TAF3: variants seen among roughly 807,000 people sequenced by gnomAD.
TAF3 encodes TATA-box binding protein associated factor 3.
In TAF3, 7 loss-of-function variants were observed where a neutral mutation model predicts 80.6. That is an observed-to-expected ratio of 0.09 (90% CI 0.05 to 0.16). The LOEUF (loss-of-function observed/expected upper bound fraction) is 0.16, where lower values mean the gene tolerates loss of function less well. Among genes scored for constraint, TAF3 ranks in the 10% least tolerant of loss-of-function variants. The probability of loss-of-function intolerance (pLI) is 1.00; values close to 1 mark genes in which losing one functional copy is unlikely to be tolerated. For missense variants in TAF3, 921 were observed against 1,140.2 expected, an observed-to-expected ratio of 0.81 and a Z score of 2.77; for synonymous variants, 444 against 446.1, an observed-to-expected ratio of 1.00 and a Z score of 0.06.
At chr10:7,977,369 C>T in intron 4 of TAF3, 46 bp downstream of exon 4, 3 of 1,574,374 alleles carry the variant, frequency 1.9e-6, no homozygotes, top group South Asian at 1.1e-5. Context: ...TGAAATTTAA[C>T]CTTCTCTACT....
At chr10:7,999,036 T>C (rs1230771859) in intron 4 of TAF3, among the ~76,000 whole-genome samples, 2 of 152,012 alleles carry the variant, frequency 1.3e-5, no homozygotes, top group Non-Finnish European at 2.9e-5. Flanking sequence ...GCTGAGGAAG[T>C]GGAATCTGTG....
intron 2 of TAF3, among the ~76,000 whole-genome samples, chr10:7,920,562 G>A (rs11255443): frequency 0.052 from 7,966 of 152,008 alleles, 310 homozygotes; most frequent in Admixed American, 0.11. Context: ...TAATCTTCTG[G>A]TATCTATTCT....
At chr10:7,971,013 G>C (rs1207988659) in intron 3 of TAF3, among the ~76,000 whole-genome samples, 1 of 152,128 alleles carries the variant, frequency 6.6e-6, no homozygotes, top group African/African-American at 2.4e-5. Context: ...ATAACTGTAT[G>C]TTCCAAGAGA....
intron 6 of TAF3, among the ~76,000 whole-genome samples, chr10:8,014,314 G>A (rs754793049): frequency 2.0e-5 from 3 of 152,168 alleles, no homozygotes; most frequent in South Asian, 2.1e-4. Context: ...TCTTTAAAAT[G>A]TCAGATACAA....
chr10:7,831,232 T>A (rs926811646), intron 2 of TAF3, among the ~76,000 whole-genome samples: 1 of 152,216 alleles, frequency 6.6e-6, no homozygotes, highest in Non-Finnish European at 1.5e-5. Flanking sequence ...TATGGTATAT[T>A]CCCAGTTTTC....
intron 4 of TAF3, among the ~76,000 whole-genome samples, chr10:7,987,418 G>A (rs2131425870): frequency 6.6e-6 from 1 of 152,262 alleles, no homozygotes; most frequent in African/African-American, 2.4e-5. Context: ...ATGTCTGTAT[G>A]ACATGGTATT....
At chr10:7,988,601 A>AAAAAAAAAT (rs1831801872) in intron 4 of TAF3, among the ~76,000 whole-genome samples, 2 of 141,334 alleles carry the variant, frequency 1.4e-5, no homozygotes, top group Non-Finnish European at 1.5e-5. Context: ...AAAAAAAAAA[A>AAAAAAAAAT]GAAGCCAGAT....
chr10:7,914,104 A>C (rs1284652372), intron 2 of TAF3, among the ~76,000 whole-genome samples: 4 of 151,776 alleles, frequency 2.6e-5, no homozygotes, highest in Admixed American at 2.0e-4. Flanking sequence ...TTTTTTTTGC[A>C]ATTTTTTGAG....
chr10:8,010,214 A>G (rs1832041232), intron 5 of TAF3, among the ~76,000 whole-genome samples: 1 of 152,162 alleles, frequency 6.6e-6, no homozygotes, highest in Non-Finnish European at 1.5e-5. Context: ...GCCAAGATGC[A>G]TTTCTTCATT....
At chr10:7,864,090 T>C (rs1837185107) in intron 2 of TAF3, among the ~76,000 whole-genome samples, 1 of 152,128 alleles carries the variant, frequency 6.6e-6, no homozygotes, top group Non-Finnish European at 1.5e-5. Flanking sequence ...ACATTATTAT[T>C]ACCAGAGTCT....
At chr10:7,902,035 C>T (rs548084142) in intron 2 of TAF3, among the ~76,000 whole-genome samples, 136 of 152,188 alleles carry the variant, frequency 8.9e-4, no homozygotes, top group African/African-American at 3.0e-3. Flanking sequence ...ACACTAACTC[C>T]GCACCCCACG....
chr10:7,903,538 A>G lies in TAF3; in HGVS notation c.410-60382A>G, dbSNP rs1276556772. Reference sequence around the variant, plus strand: ...CTGTATTGTAAGCCTGTGATTTAATATGTTTTTATCTTAGGAAATAACTTC... The same window carrying G: ...CTGTATTGTAAGCCTGTGATTTAATGTGTTTTTATCTTAGGAAATAACTTC... On this transcript the variant is annotated intron_variant, in intron 2 of 6. Coordinates refer to ENST00000344293, the MANE Select transcript of TAF3 (RefSeq NM_031923.4). Among the ~76,000 whole-genome samples, 4 of 152,356 alleles carry G rather than the reference A, an allele frequency of 2.6e-5. No individual in the cohort carries two copies. In the South Asian group the frequency reaches 6.2e-4, roughly 24 times the overall value.
chr10:7,941,128 AGGTAAGG>A (rs1837972254), intron 2 of TAF3, among the ~76,000 whole-genome samples: 1 of 152,194 alleles, frequency 6.6e-6, no homozygotes, highest in Non-Finnish European at 1.5e-5. Context: ...ATGAAGCTGA[AGGTAAGG>A]CATGGGAATC....
intron 1 of TAF3, among the ~76,000 whole-genome samples, chr10:7,823,069 C>A (rs950993387): frequency 6.6e-6 from 1 of 152,098 alleles, no homozygotes; most frequent in Admixed American, 6.5e-5. Context: ...GCCATGATTG[C>A]CCTTCTGCAC....
intron 2 of TAF3, among the ~76,000 whole-genome samples, chr10:7,851,512 T>C (rs2131125826): frequency 6.6e-6 from 1 of 152,310 alleles, no homozygotes; most frequent in South Asian, 2.1e-4. Flanking sequence ...AAACAACTTT[T>C]TTTTTTATCA....
chr10:7,832,580 G>T (rs1836812401), intron 2 of TAF3, among the ~76,000 whole-genome samples: 1 of 152,086 alleles, frequency 6.6e-6, no homozygotes, highest in South Asian at 2.1e-4. Context: ...GTCTCGCACT[G>T]TCACCCAGGC....
chr10:7,876,313 T>G (rs941552739), intron 2 of TAF3, among the ~76,000 whole-genome samples: 1 of 152,228 alleles, frequency 6.6e-6, no homozygotes, highest in Non-Finnish European at 1.5e-5. Flanking sequence ...AGCAATACTT[T>G]AGCTTCACAT....
At chr10:7,838,301 A>G (rs1333894755) in intron 2 of TAF3, among the ~76,000 whole-genome samples, 1 of 152,032 alleles carries the variant, frequency 6.6e-6, no homozygotes, top group African/African-American at 2.4e-5. Context: ...GTTGTTTGGA[A>G]GTCCCTGCTT....
intron 1 of TAF3, among the ~76,000 whole-genome samples, chr10:7,820,510 T>C (rs1281859100): frequency 1.3e-5 from 2 of 152,230 alleles, no homozygotes; most frequent in East Asian, 3.8e-4. Context: ...CTCTTCTTCT[T>C]TTGAGACAGG....
Sources: allele counts gnomAD v4.1 joint callset (sites outside exome capture counted in the v4.1 genomes callset), GRCh38; gene constraint gnomAD v4.1.1; transcripts MANE v1.5; gene names NCBI Gene and HGNC (gene_info 2026-07-23, HGNC 2026-07-21).